The following MIB1 variants were observed in gnomAD, a reference collection of about 807,000 sequenced individuals.
The protein encoded by MIB1 is E3 ubiquitin-protein ligase MIB1.
A neutral mutation model predicts 124.5 loss-of-function variants in MIB1; 278 were observed. That is an observed-to-expected ratio of 2.23 (90% CI 2.02 to 2.47). MIB1 has a LOEUF of 2.47. MIB1 is among the 30% of genes most tolerant of loss of function. The pLI is 0.00. For missense variants in MIB1, 957 were observed against 1,254.4 expected (o/e 0.76, Z 3.58); for synonymous variants, 446 against 429.4 (o/e 1.04, Z -0.48).
chr18:21,791,352 A>C, intron 6 of MIB1, 22 bp from the exon 7 acceptor site: 1 of 1,564,514 alleles, frequency 6.4e-7, no homozygotes, highest in Non-Finnish European at 8.7e-7. Context: ...ACCCATTTTG[A>C]GGTTTAGCTT....
intron 1 of MIB1, among the ~76,000 whole-genome samples, chr18:21,727,943 T>C (rs900753728): frequency 6.6e-6 from 1 of 152,170 alleles, no homozygotes; most frequent in Non-Finnish European, 1.5e-5. Context: ...ATCCCCTTGA[T>C]TGCAACATTG....
At chr18:21,825,931 C>T in intron 12 of MIB1, 1 of 338,856 alleles carries the variant, frequency 3.0e-6, no homozygotes. Context: ...CACTTTCCTA[C>T]TGTTTTCCTG....
At chr18:21,754,871 G>GTTC (rs1180131635) in intron 1 of MIB1, among the ~76,000 whole-genome samples, 1 of 152,196 alleles carries the variant, frequency 6.6e-6, no homozygotes, top group Non-Finnish European at 1.5e-5. Flanking sequence ...CAGCAGTTGG[G>GTTC]TTCACTGTTA....
At chr18:21,740,784 G>A (rs1341136472), upstream of MIB1, among the ~76,000 whole-genome samples, 1 of 152,248 alleles carries the variant, frequency 6.6e-6, no homozygotes, top group Non-Finnish European at 1.5e-5. Flanking sequence ...GCGCGCATGC[G>A]CACTCTCCTT....
At chr18:21,711,154 T>C (rs2040663942) in intron 1 of MIB1, among the ~76,000 whole-genome samples, 1 of 152,210 alleles carries the variant, frequency 6.6e-6, no homozygotes, top group South Asian at 2.1e-4. Context: ...ACAGCACTTA[T>C]ATCTTTTAGT....
chr18:21,736,669 T>G (rs2040798247), upstream of MIB1, among the ~76,000 whole-genome samples: 1 of 152,012 alleles, frequency 6.6e-6, no homozygotes, highest in African/African-American at 2.4e-5. Flanking sequence ...GAGAAGAACA[T>G]AAATGACCTG....
At chr18:21,832,082 T>G (rs2041989577) in intron 12 of MIB1, among the ~76,000 whole-genome samples, 1 of 152,162 alleles carries the variant, frequency 6.6e-6, no homozygotes, top group Admixed American at 6.6e-5. Flanking sequence ...AGAGACATCA[T>G]CAAGGGAGAA....
intron 13 of MIB1, among the ~76,000 whole-genome samples, chr18:21,838,921 A>G (rs1471460858): frequency 6.6e-6 from 1 of 152,170 alleles, no homozygotes; most frequent in Non-Finnish European, 1.5e-5. Context: ...TTTCGTAACT[A>G]CTGCTGACCC....
At chr18:21,824,073 C>T (rs2041903581) in intron 12 of MIB1, among the ~76,000 whole-genome samples, 1 of 152,078 alleles carries the variant, frequency 6.6e-6, no homozygotes, top group African/African-American at 2.4e-5. Context: ...CTGGCAAAAA[C>T]AATCGATAGG....
intron 10 of MIB1, among the ~76,000 whole-genome samples, chr18:21,814,390 TC>T (rs1203375144): frequency 6.6e-6 from 1 of 152,058 alleles, no homozygotes; most frequent in Non-Finnish European, 1.5e-5. Context: ...TTTTTTTTTT[TC>T]AATCACACAA....
intron 10 of MIB1, among the ~76,000 whole-genome samples, chr18:21,805,638 A>G (rs888772587): frequency 3.3e-5 from 5 of 152,156 alleles, no homozygotes; most frequent in Admixed American, 3.3e-4. Context: ...TCCAATAGCA[A>G]CAACTACTGA....
intron 6 of MIB1, among the ~76,000 whole-genome samples, chr18:21,784,656 T>C (rs2041412999): frequency 1.3e-5 from 2 of 152,178 alleles, no homozygotes; most frequent in African/African-American, 4.8e-5. Context: ...GACCAGGCTA[T>C]ACAGATATAG....
At chr18:21,752,854 G>T (rs2040990770) in intron 1 of MIB1, among the ~76,000 whole-genome samples, 1 of 152,072 alleles carries the variant, frequency 6.6e-6, no homozygotes, top group African/African-American at 2.4e-5. Flanking sequence ...TTGCAATATT[G>T]TTTATTAAAA....
chr18:21,745,818 T>C (rs2040905719), intron 1 of MIB1, among the ~76,000 whole-genome samples: 1 of 152,130 alleles, frequency 6.6e-6, no homozygotes, highest in African/African-American at 2.4e-5. Flanking sequence ...GCAATTCTCC[T>C]GTCTCATCCT....
chr18:21,735,472 G>C (rs1335422414), intron 1 of MIB1, among the ~76,000 whole-genome samples: 1 of 151,996 alleles, frequency 6.6e-6, no homozygotes, highest in Non-Finnish European at 1.5e-5. Flanking sequence ...TAGCTGCAAG[G>C]GTTTTTTTTT....
In MIB1 at chr18:21,724,745, T is replaced by A. The variant is rs1451939243; in HGVS notation, n.167+19622T>A. Among the ~76,000 whole-genome samples the A allele has an allele frequency of 6.8e-3, 572 of 84,642 alleles. 15 individuals are homozygous for A. The highest frequency in any genetic ancestry group is 9.4e-3 in the Non-Finnish European group (410 of 43,450). 55.5% of individuals were successfully genotyped at this position (84,642 alleles called of 152,430 possible). On this transcript the variant is annotated intron_variant and non_coding_transcript_variant, in intron 1 of 20. Coordinates refer to the MIB1 transcript ENST00000578646. ...AAAAAAAAATATATATATATATATA[T>A]ATATATATATATATATATATATATA...
At chr18:21,841,226 C>A (rs111559050) in intron 13 of MIB1, among the ~76,000 whole-genome samples, 1 of 152,104 alleles carries the variant, frequency 6.6e-6, no homozygotes, top group East Asian at 1.9e-4. Context: ...ATTAGCCAGG[C>A]GTGGTGGCAC....
At chr18:21,861,650 T>TA (rs200089836) in intron 20 of MIB1, among the ~76,000 whole-genome samples, 8,477 of 140,620 alleles carry the variant, frequency 0.06, 448 homozygotes, top group African/African-American at 0.15. Context: ...TCAAGGTTAT[T>TA]AAAAAAAAAA....
In MIB1 at chr18:21,864,968, C is replaced by T. The variant is rs2042309246; in HGVS notation, c.*302C>T. ...CTTTTTTAAAAAATTGCATTTTTCT[C>T]TTATAATTTGTAAATTTGTTGGATC... On this transcript the variant is annotated 3_prime_UTR_variant, in exon 21 of 21. Transcript: ENST00000261537. The T allele has an allele frequency of 3.0e-5, 6 of 199,912 alleles. No homozygotes were observed. In the East Asian group the frequency reaches 5.9e-4, roughly 19 times the overall value. The allele number at this position is 199,912 out of a possible 1,614,324, so 12.4% of individuals were successfully genotyped here. A position where few individuals can be genotyped will look rare whatever the true frequency, so the allele number is the denominator to read the frequency against.
Sources: gnomAD v4.1 joint callset for allele counts (sites outside exome capture counted in the v4.1 genomes callset) on GRCh38, gnomAD v4.1.1 for gene constraint, MANE v1.5 for transcripts, NCBI Gene and HGNC (gene_info 2026-07-23, HGNC 2026-07-21) for gene names.